OR8J3: variants seen among roughly 807,000 people sequenced by gnomAD.
OR8J3 encodes olfactory receptor family 8 subfamily J member 3.
For missense variants in OR8J3, 418 were observed against 379.8 expected (o/e 1.10, Z -0.84); for synonymous variants, 170 against 142.6 (o/e 1.19, Z -1.37).
In OR8J3 at chr11:56,137,628, A is replaced by G; in HGVS notation, c.91T>C (p.Phe31Leu). The change falls in exon 2 of 2, where the codon TTC (phenylalanine) becomes CTC (leucine). Residue 31 changes from phenylalanine (F) to leucine (L), a missense_variant. By Grantham distance (22) the Phe-to-Leu change is conservative. Coordinates refer to ENST00000642058, the MANE Select transcript of OR8J3 (RefSeq NM_001004064.2). ...ATGGTCAGCACATAGAGCACTAGGA[A>G]GACCAGGAAGAGGGGAATCTGGAGC... The part of the protein sequence containing the change: ...PELQIPLFLV[F>L]LVLYVLTMAG... 6.2e-7 allele frequency: 1 copy of G among 1,614,226 alleles called. No homozygotes were observed. Among genetic ancestry groups the G allele is most frequent in the Non-Finnish European group, 8.5e-7 (1 of 1,180,044 alleles).
In OR8J3 at chr11:56,136,777, T is replaced by C. The variant is rs773790554; in HGVS notation, c.942A>G (p.Ser314=). The C allele has an allele frequency of 1.3e-6, 2 of 1,522,546 alleles. No individual in the cohort carries two copies. Among genetic ancestry groups the C allele is most frequent in the Non-Finnish European group, 1.8e-6 (2 of 1,123,776 alleles). 94.3% of individuals were successfully genotyped at this position (1,522,546 alleles called of 1,614,324 possible). A position where few individuals can be genotyped will look rare whatever the true frequency, so the allele number is the denominator to read the frequency against. The change falls in exon 2 of 2, where the codon TCA becomes TCG. Residue 314 remains serine, a synonymous_variant. Transcript: ENST00000642058. ...TATTTATAGAGCTCTAAAATTACAT[T>C]GATTTAAAGGAGTAACATGGATTTT... ...FMENPCYSFK[S]M
Position 56,135,689 on chromosome 11 carries a change from C to A in OR8J3, c.*1082G>T, listed in dbSNP as rs950070380. The A allele has an allele frequency of 6.6e-6, 1 of 151,950 alleles. No homozygotes were observed. The highest frequency in any genetic ancestry group is 1.5e-5 in the Non-Finnish European group (1 of 67,870). 9.4% of individuals were successfully genotyped at this position (151,950 alleles called of 1,614,324 possible). A position where few individuals can be genotyped will look rare whatever the true frequency, so the allele number is the denominator to read the frequency against. ...TGAAGGAACTCTTTAACACAAGAACCTACTTACAAGTAAACTGAACACACA... is the reference window on the plus strand; with the variant it reads ...TGAAGGAACTCTTTAACACAAGAACATACTTACAAGTAAACTGAACACACA... On this transcript the variant is annotated 3_prime_UTR_variant, in exon 2 of 2. Coordinates refer to ENST00000642058, the MANE Select transcript of OR8J3 (RefSeq NM_001004064.2).
rs778561839 is a variant in OR8J3 at position 56,137,615 on chromosome 11, T to G, written c.104A>C (p.Tyr35Ser). 6.2e-7 allele frequency: 1 copy of G among 1,614,004 alleles called. No individual in the cohort carries two copies. The change falls in exon 2 of 2, where the codon TAT becomes TCT. Residue 35 changes from tyrosine (Y) to serine (S), a missense_variant. By Grantham distance (144) the Tyr-to-Ser change is moderately radical (BLOSUM62 -2). Transcript: ENST00000642058. ...CAGGTTCCCTGCCATGGTCAGCACA[T>G]AGAGCACTAGGAAGACCAGGAAGAG... ...IPLFLVFLVL[Y>S]VLTMAGNLGI...
intron 1 of OR8J3, among the ~76,000 whole-genome samples, chr11:56,139,371 A>AT (rs2134686752): frequency 6.6e-6 from 1 of 152,248 alleles, no homozygotes; most frequent in Non-Finnish European, 1.5e-5. Context: ...AAAAAAGAAA[A>AT]CAGAGAAATA....
rs1178571104 is a variant in OR8J3, at chr11:56,137,095, A to C, written c.624T>G (p.Val208=). The C allele has an allele frequency of 1.9e-6, 3 of 1,613,780 alleles. No homozygotes were observed. The Admixed American group carries it at 5.0e-5, about 27-fold the overall frequency. Residue 208 remains valine, a synonymous_variant, in exon 2 of 2, where the codon GTT becomes GTG. Coordinates refer to ENST00000642058, the MANE Select transcript of OR8J3 (RefSeq NM_001004064.2). ...ATACTAGAACTGTAATCATGGAAAAAACCAAATTTGTTGCTGCAGATATAA... is the reference window on the plus strand; with the variant it reads ...ATACTAGAACTGTAATCATGGAAAACACCAAATTTGTTGCTGCAGATATAA... The part of the protein sequence containing the change: ...IVFISAATNL[V]FSMITVLVSY...
At chr11:56,139,069 G>T (rs1854364401) in intron 1 of OR8J3, among the ~76,000 whole-genome samples, 1 of 152,000 alleles carries the variant, frequency 6.6e-6, no homozygotes, top group Non-Finnish European at 1.5e-5. Flanking sequence ...CACTTTCCTA[G>T]AGTTGTATAT....
chr11:56,138,651 G>A (rs1424143947), intron 1 of OR8J3, among the ~76,000 whole-genome samples, 154 bp from the exon 2 acceptor site: 2 of 150,728 alleles, frequency 1.3e-5, no homozygotes, highest in Non-Finnish European at 1.5e-5. Context: ...CCGAGATTGC[G>A]CCACTGCACT....
At position 56,137,519 on chromosome 11, in the gene OR8J3, G is replaced by A; in HGVS notation, c.200C>T (p.Ala67Val). 1.2e-6 allele frequency: 2 copies of A among 1,614,224 alleles called. No homozygotes were observed. Among genetic ancestry groups the A allele is most frequent in the Non-Finnish European group, 1.7e-6 (2 of 1,180,048 alleles). Residue 67 changes from alanine (A) to valine (V), a missense_variant, in exon 2 of 2, where the codon GCT becomes GTT. Coordinates refer to ENST00000642058, the MANE Select transcript of OR8J3 (RefSeq NM_001004064.2). The part of the protein sequence containing the change: ...NPMYFFLRHL[A>V]IINLGNSTVI... ...AGTAGAGTTGCCAAGATTGATGATA[G>A]CTAGATGTCTCAGGAAAAAGTACAT...
chr11:56,138,614 G>GCAGTGAGCCGAGATTGCGC (rs761174042), intron 1 of OR8J3, 117 bp from the exon 2 acceptor site: 2 of 151,732 alleles, frequency 1.3e-5, no homozygotes, highest in African/African-American at 2.4e-5. Flanking sequence ...GGCGGAGCTT[G>GCAGTGAGCCGAGATTGCGC]CAGTGAGCCG....
At position 56,137,848 on chromosome 11, in the gene OR8J3, TC is replaced by T. The variant is rs1854351430; in HGVS notation, c.-131del. 1.5e-5 allele frequency: 11 copies of T among 714,238 alleles called. No individual in the cohort carries two copies. Among genetic ancestry groups the T allele is most frequent in the Non-Finnish European group, 1.8e-5 (8 of 435,434 alleles). The allele number at this position is 714,238 out of a possible 1,614,324, so 44.2% of individuals were successfully genotyped here. On this transcript the variant is annotated 5_prime_UTR_variant, in exon 2 of 2. Coordinates refer to ENST00000642058, the MANE Select transcript of OR8J3 (RefSeq NM_001004064.2). ...GTGTGATCTTCTTGTCATGTATTAATCTAATTCAGTTATTAAACTCAGTATT... is the reference window on the plus strand; with the variant it reads ...GTGTGATCTTCTTGTCATGTATTAATTAATTCAGTTATTAAACTCAGTATT...
rs377708276 is a variant in OR8J3, at chr11:56,137,374, C to T, written c.345G>A (p.Leu115=). The T allele has an allele frequency of 6.2e-7, 1 of 1,614,080 alleles. No homozygotes were observed. The highest frequency in any genetic ancestry group is 8.5e-7 in the Non-Finnish European group (1 of 1,180,002). The change falls in exon 2 of 2, where the codon CTG becomes CTA. Residue 115 remains leucine, a synonymous_variant. Coordinates refer to ENST00000642058, the MANE Select transcript of OR8J3 (RefSeq NM_001004064.2). ...LFFIVSEVMM[L]AVMAYDRYVA... ...CATAGCGGTCATAGGCCATCACAGCCAGCATCATTACCTCCGATACAATAA... is the reference window on the plus strand; with the variant it reads ...CATAGCGGTCATAGGCCATCACAGCTAGCATCATTACCTCCGATACAATAA...
intron 1 of OR8J3, among the ~76,000 whole-genome samples, chr11:56,139,008 A>T (rs771510991): frequency 2.6e-5 from 4 of 152,008 alleles, no homozygotes; most frequent in Admixed American, 6.5e-5. Context: ...TATGATAATT[A>T]TGTTGCATGT....
At position 56,137,510 on chromosome 11, in the gene OR8J3, T is replaced by G. The variant is rs368507290; in HGVS notation, c.209A>C (p.Asn70Thr). The part of the protein sequence containing the change: ...YFFLRHLAII[N>T]LGNSTVIAPK... ...GGCAATGACAGTAGAGTTGCCAAGA[T>G]TGATGATAGCTAGATGTCTCAGGAA... The change falls in exon 2 of 2, where the codon AAT becomes ACT. Residue 70 changes from asparagine to threonine, a missense_variant. By Grantham distance (65) the Asn-to-Thr change is moderately conservative. Coordinates refer to ENST00000642058, the MANE Select transcript of OR8J3 (RefSeq NM_001004064.2). 1.2e-6 allele frequency: 2 copies of G among 1,614,234 alleles called. No homozygotes were observed. The highest frequency in any genetic ancestry group is 1.7e-6 in the Non-Finnish European group (2 of 1,180,044).
chr11:56,139,094 T>C (rs1199094433), intron 1 of OR8J3, among the ~76,000 whole-genome samples: 2 of 152,148 alleles, frequency 1.3e-5, no homozygotes, highest in Non-Finnish European at 2.9e-5. Flanking sequence ...ATCATGATTA[T>C]TTGCCCCTAA....
chr11:56,136,885 G>T lies in OR8J3; in HGVS notation c.834C>A (p.Tyr278Ter), dbSNP rs944535038. 8.1e-6 allele frequency: 13 copies of T among 1,613,888 alleles called. No homozygotes were observed. Among genetic ancestry groups the T allele is most frequent in the Non-Finnish European group, 1.1e-5 (13 of 1,179,886 alleles). Reference sequence around the variant, plus strand: ...GATTCAGCATAGGAATCACCAATGTGTAAAACACAGAAGCCATCTTATCAG... The same window carrying T: ...GATTCAGCATAGGAATCACCAATGTTTAAAACACAGAAGCCATCTTATCAG... Reference protein sequence around the residue: ...LDTDKMASVFYTLVIPMLNPL... With the variant: ...LDTDKMASVF Residue 278 changes from tyrosine to a stop codon, truncating the protein, a stop_gained, in exon 2 of 2, where the codon TAC becomes TAA. Transcript: ENST00000642058. LOFTEE classifies it low-confidence loss of function (END_TRUNC).
In OR8J3 at chr11:56,136,231, T is replaced by C. The variant is rs1854328925; in HGVS notation, c.*540A>G. 6.6e-6 allele frequency: 1 copy of C among 152,054 alleles called. No individual in the cohort carries two copies. The allele number at this position is 152,054 out of a possible 1,614,324, so 9.4% of individuals were successfully genotyped here. A position where few individuals can be genotyped will look rare whatever the true frequency, so the allele number is the denominator to read the frequency against. On this transcript the variant is annotated 3_prime_UTR_variant, in exon 2 of 2. Coordinates refer to ENST00000642058, the MANE Select transcript of OR8J3 (RefSeq NM_001004064.2). Reference sequence around the variant, plus strand: ...GAATAAAATATTTTCAATTATATAATGAGGATTTAAAATATGTATTAATTG... The same window carrying C: ...GAATAAAATATTTTCAATTATATAACGAGGATTTAAAATATGTATTAATTG...
rs1458232714 is a variant in OR8J3 at position 56,138,509 on chromosome 11, CAA to C, written c.-779-14_-779-13del. 1.3e-4 allele frequency: 20 copies of C among 151,576 alleles called. No individual in the cohort carries two copies. Among genetic ancestry groups the C allele is most frequent in the African/African-American group, 4.8e-4 (20 of 41,252 alleles). 9.4% of individuals were successfully genotyped at this position (151,576 alleles called of 1,614,324 possible). A position where few individuals can be genotyped will look rare whatever the true frequency, so the allele number is the denominator to read the frequency against. ...AGTGAAACCCCTTTCTACAAACAAA[CAA>C]ACAAAAAAAAATAATTAGCCGTGCG... On this transcript the variant is annotated splice_polypyrimidine_tract_variant and intron_variant, in intron 1 of 1. Coordinates refer to ENST00000642058, the MANE Select transcript of OR8J3 (RefSeq NM_001004064.2).
rs1480694026 is a variant in OR8J3 at position 56,137,941 on chromosome 11, T to C, written c.-223A>G. The C allele has an allele frequency of 1.7e-5, 9 of 521,376 alleles. No homozygotes were observed. Among genetic ancestry groups the C allele is most frequent in the Admixed American group, 3.7e-5 (1 of 27,230 alleles). The allele number at this position is 521,376 out of a possible 1,614,324, so 32.3% of individuals were successfully genotyped here. On this transcript the variant is annotated 5_prime_UTR_variant, in exon 2 of 2. Transcript: ENST00000642058. The stretch of plus-strand genomic sequence containing the variant: ...TAAAGCAAGTATGGTAAATTTAGTA[T>C]GGCAAAGTAAATAGTTGTTTCAGCA...
Position 56,136,850 on chromosome 11 carries a change from T to C in OR8J3, c.869A>G (p.Tyr290Cys), listed in dbSNP as rs757236460. The change falls in exon 2 of 2, where the codon TAC becomes TGC. Residue 290 changes from tyrosine (Y) to cysteine (C), a missense_variant. By Grantham distance (194) the Tyr-to-Cys change is radical. Transcript: ENST00000642058. ...LVIPMLNPLI[Y>C]SLRNNDVNVA... ...ATTTACATCATTATTCCTCAGGCTG[T>C]AGATCAAGGGATTCAGCATAGGAAT... The C allele has an allele frequency of 7.4e-6, 12 of 1,613,242 alleles. No individual in the cohort carries two copies. In the South Asian group the frequency reaches 1.3e-4, roughly 18 times the overall value.
Sources: gnomAD v4.1 joint callset for allele counts (sites outside exome capture counted in the v4.1 genomes callset) on GRCh38, gnomAD v4.1.1 for gene constraint, MANE v1.5 for transcripts, NCBI Gene and HGNC (gene_info 2026-07-23, HGNC 2026-07-21) for gene names.